The following YIF1B variants were observed in gnomAD, a reference collection of about 807,000 sequenced individuals.
The protein encoded by YIF1B is protein YIF1B.
In YIF1B, 24 loss-of-function variants were observed where a neutral mutation model predicts 34.6. That is an observed-to-expected ratio of 0.69 (90% CI 0.50 to 0.98). The LOEUF (loss-of-function observed/expected upper bound fraction) is 0.98. YIF1B is among the 50% of genes least tolerant of loss of function. The probability of loss-of-function intolerance (pLI) is 0.00; values close to 1 mark genes in which losing one functional copy is unlikely to be tolerated. For missense variants in YIF1B, 368 were observed against 429.4 expected (o/e 0.86, Z 1.26); for synonymous variants, 186 against 184.8 (o/e 1.01, Z -0.05).
At chr19:38,315,065 C>T (rs112053227) in intron 1 of YIF1B, among the ~76,000 whole-genome samples, 4,403 of 151,870 alleles carry the variant, frequency 0.029, 85 homozygotes, top group South Asian at 0.055. Flanking sequence ...TTGAGACCAG[C>T]TTGACCAACA....
rs1176551955 is a variant in YIF1B, at chr19:38,304,327, C to T, written c.*1025G>A. The T allele has an allele frequency of 4.3e-6, 7 of 1,612,870 alleles. No homozygotes were observed. The highest frequency in any genetic ancestry group is 5.9e-6 in the Non-Finnish European group (7 of 1,179,828). ...TGGACTGGAGGTGCAGGGGGCCGGA[C>T]TCAAGCCCAGAAGCTGCCTGCACCA... On this transcript the variant is annotated 3_prime_UTR_variant, in exon 8 of 8. Transcript: ENST00000339413.
At chr19:38,319,973 C>A (rs777638632), upstream of YIF1B, 6 of 1,463,386 alleles carry the variant, frequency 4.1e-6, no homozygotes, top group South Asian at 8.1e-5. Context: ...GCGCTTCTGG[C>A]GGGCGCCTTG....
intron 7 of YIF1B, chr19:38,307,145 C>T (rs1218655801): frequency 1.3e-5 from 7 of 520,150 alleles, no homozygotes; most frequent in Non-Finnish European, 2.2e-5. Context: ...AGGAAGGCTC[C>T]CATGTAAGGA....
In YIF1B at chr19:38,304,516, G is replaced by C; in HGVS notation, c.*836C>G. 1 of 1,563,710 alleles carries C rather than the reference G, an allele frequency of 6.4e-7. No homozygotes were observed. The highest frequency in any genetic ancestry group is 8.7e-7 in the Non-Finnish European group (1 of 1,154,378). ...GTAAGTCGCCTCATCACCGGCTGCGGAGGGGCGGGAAGGCTGGGGTTGCCC... is the reference window on the plus strand; with the variant it reads ...GTAAGTCGCCTCATCACCGGCTGCGCAGGGGCGGGAAGGCTGGGGTTGCCC... On this transcript the variant is annotated 3_prime_UTR_variant, in exon 8 of 8. Coordinates refer to ENST00000339413, the MANE Select transcript of YIF1B (RefSeq NM_001039672.3).
upstream of YIF1B, among the ~76,000 whole-genome samples, chr19:38,321,461 C>A (rs1222385641): frequency 6.6e-6 from 1 of 152,252 alleles, no homozygotes; most frequent in Non-Finnish European, 1.5e-5. Context: ...AATTCAGCAG[C>A]CCCAGCTAGG....
At position 38,307,591 on chromosome 19, in the gene YIF1B, A is replaced by G; in HGVS notation, c.695+6T>C. On this transcript the variant is annotated splice_donor_region_variant and intron_variant, in intron 6 of 7. Transcript: ENST00000339413. ...TGGGGCTGGCGTGAAGGGCGGGGGT[A>G]CTCACCCGACATATTTGTAGCCCAA... 3.1e-6 allele frequency: 5 copies of G among 1,613,402 alleles called. No individual in the cohort carries two copies. Among genetic ancestry groups the G allele is most frequent in the Non-Finnish European group, 4.2e-6 (5 of 1,179,938 alleles).
chr19:38,308,995 C>T lies in YIF1B; in HGVS notation c.465G>A (p.Pro155=), dbSNP rs369423923. The part of the protein sequence containing the change: ...PVAPRFDVNA[P]DLYIPAMAFI... ...GGGTGAAACCTGGAATGTAGAGGTCCGGGGCATTGACGTCAAAGCGGGGGG... is the reference window on the plus strand; with the variant it reads ...GGGTGAAACCTGGAATGTAGAGGTCTGGGGCATTGACGTCAAAGCGGGGGG... Residue 155 remains proline (P), a synonymous_variant, in exon 4 of 8, where the codon CCG becomes CCA. Coordinates refer to ENST00000339413, the MANE Select transcript of YIF1B (RefSeq NM_001039672.3). 45 of 1,590,614 alleles carry T rather than the reference C, an allele frequency of 2.8e-5. No homozygotes were observed. The highest frequency in any genetic ancestry group is 4.0e-5 in the African/African-American group (3 of 74,328).
intron 7 of YIF1B, among the ~76,000 whole-genome samples, chr19:38,306,089 C>T (rs962496998): frequency 6.6e-6 from 1 of 150,976 alleles, no homozygotes; most frequent in South Asian, 2.1e-4. Context: ...GTAGTCCCTG[C>T]TACTCAGGAG....
intron 1 of YIF1B, among the ~76,000 whole-genome samples, chr19:38,311,222 G>A (rs1439677332): frequency 6.6e-6 from 1 of 151,920 alleles, no homozygotes. Context: ...GGGAGACAAA[G>A]GTTGCAGTGA....
chr19:38,314,369 A>G (rs1162242511), intron 1 of YIF1B, among the ~76,000 whole-genome samples: 6 of 151,808 alleles, frequency 4.0e-5, no homozygotes, highest in East Asian at 1.9e-4. Context: ...TAAATTTTCT[A>G]TTTTTAGTAG....
chr19:38,307,799 C>G (rs766283627), intron 5 of YIF1B, 47 bp from the exon 6 acceptor site: 2 of 1,599,642 alleles, frequency 1.3e-6, no homozygotes, highest in East Asian at 4.5e-5. Context: ...TCAGACCCCC[C>G]ACCCCCAGCA....
Position 38,304,293 on chromosome 19 carries a change from TG to T in YIF1B, c.*1058del. ...TTCGACCTGGGAGCAGGTGAGCTCC[TG>T]GGGAGTGTGGACTGGAGGTGCAGGG... On this transcript the variant is annotated 3_prime_UTR_variant, in exon 8 of 8. Coordinates refer to ENST00000339413, the MANE Select transcript of YIF1B (RefSeq NM_001039672.3). The T allele has an allele frequency of 6.2e-7, 1 of 1,613,688 alleles. No homozygotes were observed. Among genetic ancestry groups the T allele is most frequent in the Non-Finnish European group, 8.5e-7 (1 of 1,180,002 alleles).
At chr19:38,315,761 T>G (rs750936848) in intron 1 of YIF1B, 99 bp downstream of exon 1, 1 of 1,604,362 alleles carries the variant, frequency 6.2e-7, no homozygotes, top group South Asian at 1.1e-5. Context: ...GGGTTCCAGA[T>G]CCTTGATCTC....
Position 38,309,332 on chromosome 19 carries a change from G to A in YIF1B, c.298-4C>T. The A allele has an allele frequency of 6.2e-7, 1 of 1,613,978 alleles. No individual in the cohort carries two copies. Among genetic ancestry groups the A allele is most frequent in the Non-Finnish European group, 8.5e-7 (1 of 1,179,920 alleles). ...TGATGGGGATGAAGCGGTCGATCTG[G>A]GGAGGCAGAGCTCAAGTCTGAAGCC... On this transcript the variant is annotated splice_region_variant and splice_polypyrimidine_tract_variant and intron_variant, in intron 2 of 7. Transcript: ENST00000339413.
upstream of YIF1B, among the ~76,000 whole-genome samples, chr19:38,321,624 G>C (rs562182940): frequency 1.1e-3 from 174 of 152,360 alleles, 1 homozygote; most frequent in African/African-American, 4.2e-3. Flanking sequence ...TTGGGGATTT[G>C]TTGAGGAGAG....
intron 7 of YIF1B, 81 bp from the exon 8 acceptor site, chr19:38,305,588 A>C (rs1004307903): frequency 4.1e-6 from 6 of 1,478,378 alleles, no homozygotes; most frequent in Admixed American, 4.7e-5. Flanking sequence ...ACATACTTCC[A>C]GCCTCTGCCT....
At chr19:38,313,262 CTT>C (rs771234619) in intron 1 of YIF1B, among the ~76,000 whole-genome samples, 14 of 107,332 alleles carry the variant, frequency 1.3e-4, no homozygotes, top group East Asian at 3.1e-4. Context: ...CCAGAGTGAT[CTT>C]TTTTTTTTTT....
At chr19:38,306,063 G>A (rs867348969) in intron 7 of YIF1B, among the ~76,000 whole-genome samples, 3 of 151,908 alleles carry the variant, frequency 2.0e-5, no homozygotes, top group African/African-American at 2.4e-5. Context: ...TTAGCTGGGC[G>A]TGGTGGTGAG....
intron 1 of YIF1B, among the ~76,000 whole-genome samples, chr19:38,315,023 C>T (rs545682867): frequency 1.6e-4 from 25 of 152,150 alleles, no homozygotes; most frequent in African/African-American, 6.0e-4. Flanking sequence ...CTTTGGGAGG[C>T]CTAGGCGGGC....
Sources: allele counts gnomAD v4.1 joint callset (sites outside exome capture counted in the v4.1 genomes callset), GRCh38; gene constraint gnomAD v4.1.1; transcripts MANE v1.5; gene names NCBI Gene and HGNC (gene_info 2026-07-23, HGNC 2026-07-21).